Variants in MED13L observed in about 807,000 individuals in gnomAD.
MED13L encodes mediator of RNA polymerase II transcription subunit 13-like.
MED13L carries 7 observed loss-of-function variants against 220.9 expected under a neutral mutation model. The ratio of observed to expected loss-of-function variants is 0.03; its 90% CI spans 0.02 to 0.06. The LOEUF (loss-of-function observed/expected upper bound fraction) is 0.06. Among genes scored for constraint, MED13L ranks in the 10% least tolerant of loss-of-function variants. The pLI is 1.00. For synonymous variants in MED13L, 1,011 were observed against 1,015.2 expected (o/e 1.00, Z 0.08); for missense variants, 1,965 against 2,760.5 (o/e 0.71, Z 6.46).
At chr12:116,195,272 G>A (rs1881548546) in intron 2 of MED13L, among the ~76,000 whole-genome samples, 1 of 151,994 alleles carries the variant, frequency 6.6e-6, no homozygotes, top group South Asian at 2.1e-4. Context: ...GGTGGGGGTG[G>A]GGGCAACAGG....
chr12:115,966,848 CA>C (rs1464188954), intron 28 of MED13L, among the ~76,000 whole-genome samples: 3 of 152,174 alleles, frequency 2.0e-5, no homozygotes, highest in African/African-American at 7.2e-5. Flanking sequence ...ACCTTTCATG[CA>C]AGCAATAAGT....
At chr12:116,006,474 G>T (rs1237997946) in intron 11 of MED13L, 63 bp from the exon 12 acceptor site, 6 of 1,279,166 alleles carry the variant, frequency 4.7e-6, no homozygotes, top group Non-Finnish European at 6.9e-6. Context: ...AAATATGAGG[G>T]AGAACACAAA....
At chr12:116,058,751 TA>T (rs1160406541) in intron 4 of MED13L, among the ~76,000 whole-genome samples, 1 of 152,194 alleles carries the variant, frequency 6.6e-6, no homozygotes, top group African/African-American at 2.4e-5. Flanking sequence ...AACAACAGCA[TA>T]GTAGAGTAGA....
intron 28 of MED13L, among the ~76,000 whole-genome samples, chr12:115,968,521 A>T (rs1876357639): frequency 6.6e-6 from 1 of 152,210 alleles, no homozygotes; most frequent in Admixed American, 6.5e-5. Context: ...AGAACAAGCC[A>T]TCACCAACGT....
intron 4 of MED13L, among the ~76,000 whole-genome samples, chr12:116,095,775 T>C (rs1050048475): frequency 3.3e-5 from 5 of 152,328 alleles, no homozygotes; most frequent in Admixed American, 6.5e-5. Context: ...ACATGTGTGC[T>C]ACATTCAGAG....
At chr12:116,270,770 CGGTG>C (rs1873235165) in intron 1 of MED13L, among the ~76,000 whole-genome samples, 1 of 151,724 alleles carries the variant, frequency 6.6e-6, no homozygotes, top group Non-Finnish European at 1.5e-5. Context: ...CAGCCGGGCG[CGGTG>C]GCTCGAGCCT....
At chr12:116,121,574 T>C (rs2137956955) in intron 2 of MED13L, among the ~76,000 whole-genome samples, 1 of 152,252 alleles carries the variant, frequency 6.6e-6, no homozygotes, top group South Asian at 2.1e-4. Context: ...TTGTGAAACC[T>C]TGAAGAAATT....
chr12:116,044,517 G>C (rs1286813883), intron 4 of MED13L, among the ~76,000 whole-genome samples: 1 of 152,168 alleles, frequency 6.6e-6, no homozygotes. Flanking sequence ...CCATACTATA[G>C]GTGGAAATCC....
intron 4 of MED13L, among the ~76,000 whole-genome samples, chr12:116,045,675 A>G (rs1242768147): frequency 6.6e-6 from 1 of 152,132 alleles, no homozygotes; most frequent in African/African-American, 2.4e-5. Context: ...TAACATAACA[A>G]ATTTTCAAGT....
At chr12:116,027,673 C>T (rs1279279391) in intron 4 of MED13L, among the ~76,000 whole-genome samples, 1 of 152,116 alleles carries the variant, frequency 6.6e-6, no homozygotes, top group African/African-American at 2.4e-5. Flanking sequence ...TTCCATGTGT[C>T]ATATTTGGTG....
chr12:115,987,331 G>A, intron 17 of MED13L, 43 bp from the exon 18 acceptor site: 1 of 1,570,954 alleles, frequency 6.4e-7, no homozygotes, highest in Admixed American at 1.8e-5. Flanking sequence ...AAGGGGGCTA[G>A]CACCCTCCTC....
At chr12:116,064,173 ACC>A (rs2137650632) in intron 4 of MED13L, among the ~76,000 whole-genome samples, 1 of 150,200 alleles carries the variant, frequency 6.7e-6, no homozygotes, top group East Asian at 2.0e-4. Flanking sequence ...ACAGAACAAG[ACC>A]CCGTCTCAAA....
chr12:116,021,612 C>G (rs181671707), intron 5 of MED13L, among the ~76,000 whole-genome samples: 1 of 152,036 alleles, frequency 6.6e-6, no homozygotes, highest in South Asian at 2.1e-4. Context: ...CAGGCTTTTA[C>G]AGCAATTATA....
intron 1 of MED13L, 136 bp from the exon 2 acceptor site, chr12:116,237,841 G>A (rs1378105610): frequency 1.2e-6 from 1 of 805,478 alleles, no homozygotes; most frequent in African/African-American, 1.7e-5. Flanking sequence ...TCCTCCCAGT[G>A]AAGAATGTAT....
At chr12:116,244,506 G>T (rs935110783) in intron 1 of MED13L, among the ~76,000 whole-genome samples, 19 of 152,298 alleles carry the variant, frequency 1.2e-4, no homozygotes, top group Non-Finnish European at 2.9e-5. Context: ...TTTACAATAC[G>T]TAAGAAAACT....
intron 2 of MED13L, among the ~76,000 whole-genome samples, chr12:116,166,066 G>T (rs940210693): frequency 2.0e-5 from 3 of 152,114 alleles, no homozygotes; most frequent in African/African-American, 2.4e-5. Flanking sequence ...CACTTTATCA[G>T]GTAAACCACT....
intron 2 of MED13L, among the ~76,000 whole-genome samples, chr12:116,211,373 T>C (rs1223910879): frequency 1.3e-5 from 2 of 152,020 alleles, no homozygotes; most frequent in Non-Finnish European, 2.9e-5. Flanking sequence ...TACTGCAACT[T>C]GAGAGTCAAA....
intron 1 of MED13L, chr12:116,276,717 A>G (rs1225517166): frequency 1.3e-4 from 125 of 972,360 alleles, no homozygotes; most frequent in African/African-American, 1.3e-4. Flanking sequence ...TTACGGGGGG[A>G]AAAAAAGGGG....
intron 2 of MED13L, among the ~76,000 whole-genome samples, chr12:116,164,236 T>C (rs554372422): frequency 6.6e-6 from 1 of 152,244 alleles, no homozygotes; most frequent in African/African-American, 2.4e-5. Flanking sequence ...AACTGAATAG[T>C]TTCTTACCAC....
Sources: gnomAD v4.1 joint callset for allele counts (sites outside exome capture counted in the v4.1 genomes callset) on GRCh38, gnomAD v4.1.1 for gene constraint, MANE v1.5 for transcripts, NCBI Gene and HGNC (gene_info 2026-07-23, HGNC 2026-07-21) for gene names.